CNTN5: variants seen among roughly 807,000 people sequenced by gnomAD.
The protein encoded by CNTN5 is contactin-5.
CNTN5 carries 77 observed loss-of-function variants against 129.1 expected under a neutral mutation model. The ratio of observed to expected loss-of-function variants is 0.60; its 90% CI spans 0.50 to 0.72. The LOEUF (loss-of-function observed/expected upper bound fraction) is 0.72. Among genes scored for constraint, CNTN5 ranks in the 30% least tolerant of loss-of-function variants. The probability of loss-of-function intolerance (pLI) is 0.00; values close to 1 mark genes in which losing one functional copy is unlikely to be tolerated. For missense variants in CNTN5, 1,478 were observed against 1,328.8 expected (o/e 1.11, Z -1.75); for synonymous variants, 509 against 465.6 (o/e 1.09, Z -1.20).
chr11:99,876,741 C>T, intron 6 of CNTN5, among the ~76,000 whole-genome samples: 1 of 152,194 alleles, frequency 6.6e-6, no homozygotes, highest in African/African-American at 2.4e-5. Context: ...TTGTAGCAAT[C>T]CTGAACAAGG....
intron 6 of CNTN5, among the ~76,000 whole-genome samples, chr11:99,883,038 A>G (rs1948812390): frequency 6.6e-6 from 1 of 152,144 alleles, no homozygotes; most frequent in Non-Finnish European, 1.5e-5. Context: ...GTTGTTGCAA[A>G]TGAAATAATC....
intron 1 of CNTN5, among the ~76,000 whole-genome samples, chr11:99,133,627 A>AAAAAAAAAAG (rs1348970207): frequency 2.9e-5 from 2 of 68,732 alleles, no homozygotes; most frequent in African/African-American, 1.1e-4. Flanking sequence ...AGAAAAAAAA[A>AAAAAAAAAAG]AGACCATACA....
intron 8 of CNTN5, among the ~76,000 whole-genome samples, chr11:99,979,481 T>A (rs1230287601): frequency 2.0e-5 from 3 of 152,068 alleles, no homozygotes; most frequent in African/African-American, 7.2e-5. Flanking sequence ...AAGTAGAACA[T>A]CCCCAAACCA....
intron 7 of CNTN5, among the ~76,000 whole-genome samples, chr11:99,930,478 C>T (rs1208092339): frequency 6.6e-6 from 1 of 152,044 alleles, no homozygotes; most frequent in Non-Finnish European, 1.5e-5. Context: ...CAGTCTTGAC[C>T]ACTCATTTCT....
chr11:99,140,148 T>C (rs893773172), intron 1 of CNTN5, among the ~76,000 whole-genome samples: 2 of 152,218 alleles, frequency 1.3e-5, no homozygotes, highest in African/African-American at 4.8e-5. Flanking sequence ...TAGAATTTAA[T>C]ATGAAAAACT....
chr11:99,710,566 CATGTGTGTGT>C (rs1315160548), intron 3 of CNTN5, among the ~76,000 whole-genome samples: 3 of 78,126 alleles, frequency 3.8e-5, no homozygotes, highest in African/African-American at 9.4e-5. Flanking sequence ...TGTGTGTGTG[CATGTGTGTGT>C]GTGTGTGTGT....
At chr11:99,870,535 C>G (rs1210253059) in intron 6 of CNTN5, among the ~76,000 whole-genome samples, 1 of 152,002 alleles carries the variant, frequency 6.6e-6, no homozygotes, top group Non-Finnish European at 1.5e-5. Context: ...ACAAATACAT[C>G]TTTTTTTACT....
intron 3 of CNTN5, among the ~76,000 whole-genome samples, chr11:99,776,896 G>C (rs2135367142): frequency 6.6e-6 from 1 of 151,918 alleles, no homozygotes; most frequent in East Asian, 1.9e-4. Context: ...TAAAGTTCAG[G>C]ACCAGCCCCA....
chr11:100,333,479 C>T (rs201790619), intron 21 of CNTN5, among the ~76,000 whole-genome samples: 1 of 143,568 alleles, frequency 7.0e-6, no homozygotes, highest in South Asian at 2.2e-4. Flanking sequence ...GTAGCCAAAG[C>T]AAGACTAAGC....
chr11:99,803,953 C>T (rs1476240210), intron 3 of CNTN5, among the ~76,000 whole-genome samples: 1 of 152,180 alleles, frequency 6.6e-6, no homozygotes, highest in Non-Finnish European at 1.5e-5. Flanking sequence ...ATTCTCTAAT[C>T]TACCATCTTG....
chr11:99,117,049 A>G (rs1330802449), intron 1 of CNTN5, among the ~76,000 whole-genome samples: 1 of 152,012 alleles, frequency 6.6e-6, no homozygotes, highest in Non-Finnish European at 1.5e-5. Context: ...AAATAGTAAA[A>G]GAGGTGAGAG....
chr11:99,327,480 T>C (rs1284718990), intron 2 of CNTN5, among the ~76,000 whole-genome samples: 1 of 152,192 alleles, frequency 6.6e-6, no homozygotes, highest in Non-Finnish European at 1.5e-5. Context: ...TGTATTTAAC[T>C]GTACAGAGAA....
At chr11:99,778,090 C>A (rs552879504) in intron 3 of CNTN5, among the ~76,000 whole-genome samples, 10 of 151,834 alleles carry the variant, frequency 6.6e-5, no homozygotes, top group African/African-American at 2.2e-4. Flanking sequence ...TTCAACTTAT[C>A]TTACCAGATG....
intron 2 of CNTN5, among the ~76,000 whole-genome samples, chr11:99,346,602 G>A (rs1312507461): frequency 1.3e-5 from 2 of 152,226 alleles, no homozygotes; most frequent in East Asian, 3.8e-4. Context: ...AGAGCAGGGT[G>A]CACTTGTGAC....
At chr11:100,078,888 A>T (rs915070649) in intron 13 of CNTN5, among the ~76,000 whole-genome samples, 3 of 152,054 alleles carry the variant, frequency 2.0e-5, no homozygotes, top group African/African-American at 4.8e-5. Flanking sequence ...AGTACTGCCC[A>T]AGACTGGGTA....
intron 3 of CNTN5, among the ~76,000 whole-genome samples, chr11:99,630,918 T>C (rs938221476): frequency 6.6e-6 from 1 of 152,198 alleles, no homozygotes; most frequent in African/African-American, 2.4e-5. Flanking sequence ...CGTGGACTGT[T>C]ATTTTCCCTA....
intron 1 of CNTN5, among the ~76,000 whole-genome samples, chr11:99,118,195 C>T (rs1000232223): frequency 3.3e-5 from 5 of 151,954 alleles, no homozygotes; most frequent in Non-Finnish European, 7.4e-5. Context: ...AATTTATATG[C>T]CCAAGTCAAT....
Position 100,193,514 on chromosome 11 carries a change from A to G in CNTN5, c.1735A>G (p.Lys579Glu), listed in dbSNP as rs1408493360. 1.2e-6 allele frequency: 2 copies of G among 1,603,968 alleles called. No homozygotes were observed. The highest frequency in any genetic ancestry group is 2.2e-5 in the East Asian group (1 of 44,566). Reference sequence around the variant, plus strand: ...ACCTACAAGGATAGAACTTACTCCTAAAAGAACAGAATTGACAGTGGGAGA... The same window carrying G: ...ACCTACAAGGATAGAACTTACTCCTGAAAGAACAGAATTGACAGTGGGAGA... ...KEPTRIELTP[K>E]RTELTVGESI... is the part of the protein sequence containing the mutation. Residue 579 changes from lysine to glutamate, a missense_variant, in exon 15 of 25, where the codon AAA becomes GAA. Coordinates refer to ENST00000524871, the MANE Select transcript of CNTN5 (RefSeq NM_014361.4).
At chr11:99,689,200 T>C (rs1407317088) in intron 3 of CNTN5, among the ~76,000 whole-genome samples, 9 of 152,024 alleles carry the variant, frequency 5.9e-5, no homozygotes, top group Non-Finnish European at 1.2e-4. Context: ...CCACAATGGG[T>C]TGAACTAATT....
Sources: allele counts gnomAD v4.1 joint callset (sites outside exome capture counted in the v4.1 genomes callset), GRCh38; gene constraint gnomAD v4.1.1; transcripts MANE v1.5; gene names NCBI Gene and HGNC (gene_info 2026-07-23, HGNC 2026-07-21).